The following MYO16 variants were observed in gnomAD, a reference collection of about 807,000 sequenced individuals.
MYO16 encodes unconventional myosin-XVI.
A neutral mutation model predicts 205.3 loss-of-function variants in MYO16; 94 were observed. That is an observed-to-expected ratio of 0.46 (90% CI 0.39 to 0.54). The LOEUF (loss-of-function observed/expected upper bound fraction) is 0.54. Among genes scored for constraint, MYO16 ranks in the 20% least tolerant of loss-of-function variants. The probability of loss-of-function intolerance (pLI) is 0.00; values close to 1 mark genes in which losing one functional copy is unlikely to be tolerated. For missense variants in MYO16, 2,315 were observed against 2,387.5 expected (o/e 0.97, Z 0.63); for synonymous variants, 988 against 954.0 (o/e 1.04, Z -0.66).
Position 109,016,394 on chromosome 13 carries a change from A to G in MYO16, c.2596-3317A>G, listed in dbSNP as rs138832502. Reference sequence around the variant, plus strand: ...TGCTTTACTTCCAATTATGTGGTCAATTTTGGAATAAGTGTGATGTGGTGC... The same window carrying G: ...TGCTTTACTTCCAATTATGTGGTCAGTTTTGGAATAAGTGTGATGTGGTGC... On this transcript the variant is annotated intron_variant, in intron 22 of 34. Coordinates refer to ENST00000457511, the MANE Select transcript of MYO16 (RefSeq NM_001198950.3). Among the ~76,000 whole-genome samples, 585 of 152,284 alleles carry G rather than the reference A, an allele frequency of 3.8e-3. 1 individual carries two copies. Among genetic ancestry groups the G allele is most frequent in the Middle Eastern group, 0.017 (5 of 294 alleles).
At chr13:108,633,145 C>T (rs16972825) in intron 1 of MYO16, among the ~76,000 whole-genome samples, 10,476 of 152,054 alleles carry the variant, frequency 0.069, 506 homozygotes, top group East Asian at 0.18. Flanking sequence ...CACCTAAGAA[C>T]GAATTGTATC....
At chr13:109,027,983 A>T (rs904163232) in intron 23 of MYO16, among the ~76,000 whole-genome samples, 5 of 151,868 alleles carry the variant, frequency 3.3e-5, no homozygotes, top group South Asian at 2.1e-4. Flanking sequence ...TGACTTGTTT[A>T]AAAAAAACAG....
At chr13:108,833,252 T>A (rs1274614994) in intron 9 of MYO16, among the ~76,000 whole-genome samples, 1 of 139,110 alleles carries the variant, frequency 7.2e-6, no homozygotes, top group African/African-American at 2.6e-5. Context: ...GGTCTTTAAA[T>A]TGTAAAAAAA....
chr13:108,929,796 TA>T (rs573718136), intron 16 of MYO16, among the ~76,000 whole-genome samples: 30 of 150,444 alleles, frequency 2.0e-4, no homozygotes, highest in African/African-American at 6.6e-4. Context: ...ACACATGCAT[TA>T]AAAAAAAATG....
chr13:108,647,968 T>C (rs1880827290), intron 1 of MYO16, among the ~76,000 whole-genome samples: 1 of 152,166 alleles, frequency 6.6e-6, no homozygotes, highest in Admixed American at 6.5e-5. Context: ...CTTGATATGC[T>C]CTGTAAATGC....
chr13:108,756,187 G>C (rs1355509200), intron 4 of MYO16, among the ~76,000 whole-genome samples: 2 of 151,908 alleles, frequency 1.3e-5, no homozygotes, highest in African/African-American at 2.4e-5. Flanking sequence ...AATATTTATG[G>C]TTAAGATTTT....
chr13:108,762,817 T>G (rs1341955380), intron 4 of MYO16, among the ~76,000 whole-genome samples: 1 of 152,174 alleles, frequency 6.6e-6, no homozygotes, highest in Non-Finnish European at 1.5e-5. Context: ...GGGCTAGGTT[T>G]GGAGAAGAGC....
At chr13:109,132,230 C>G (rs1876574698) in intron 31 of MYO16, among the ~76,000 whole-genome samples, 1 of 152,226 alleles carries the variant, frequency 6.6e-6, no homozygotes, top group African/African-American at 2.4e-5. Flanking sequence ...TCAGGCAGCT[C>G]TAGTCCTCAC....
chr13:108,774,758 A>G (rs1281672449), intron 4 of MYO16, among the ~76,000 whole-genome samples: 1 of 152,196 alleles, frequency 6.6e-6, no homozygotes, highest in African/African-American at 2.4e-5. Flanking sequence ...AAGATATTAC[A>G]TGTACGTGCA....
chr13:109,108,737 G>A (rs1359637227), intron 28 of MYO16, among the ~76,000 whole-genome samples: 1 of 152,192 alleles, frequency 6.6e-6, no homozygotes, highest in Non-Finnish European at 1.5e-5. Flanking sequence ...AGACAGGGCA[G>A]TTGTCATGCA....
At chr13:109,117,486 A>G (rs1443385397) in intron 28 of MYO16, among the ~76,000 whole-genome samples, 84 of 148,190 alleles carry the variant, frequency 5.7e-4, no homozygotes, top group African/African-American at 2.0e-3. Context: ...GTATATGTAT[A>G]TATATGTAAT....
At chr13:108,973,552 A>G (rs539930234) in intron 20 of MYO16, among the ~76,000 whole-genome samples, 4 of 150,590 alleles carry the variant, frequency 2.7e-5, no homozygotes, top group Admixed American at 2.0e-4. Context: ...CACATTCACA[A>G]CGTTGCCCCT....
intron 1 of MYO16, among the ~76,000 whole-genome samples, chr13:108,661,812 A>G (rs968825026): frequency 2.6e-5 from 4 of 151,972 alleles, no homozygotes; most frequent in African/African-American, 9.7e-5. Flanking sequence ...CTTGGTTTGG[A>G]TCCATTGCTG....
At chr13:108,637,922 G>T (rs1015213569) in intron 1 of MYO16, among the ~76,000 whole-genome samples, 5 of 152,022 alleles carry the variant, frequency 3.3e-5, no homozygotes, top group African/African-American at 1.2e-4. Flanking sequence ...GAACAAGCAA[G>T]CTAACATTCC....
intron 34 of MYO16, among the ~76,000 whole-genome samples, chr13:109,185,345 G>C (rs1490800929): frequency 6.6e-6 from 1 of 151,996 alleles, no homozygotes; most frequent in Non-Finnish European, 1.5e-5. Context: ...GTCAATTAGA[G>C]AAAATATATG....
In MYO16 at chr13:108,823,377, A is replaced by G. The variant is rs1594321563; in HGVS notation, c.1097+99A>G. 38 of 1,138,398 alleles carry G rather than the reference A, an allele frequency of 3.3e-5. No homozygotes were observed. In the East Asian group the frequency reaches 9.1e-4, roughly 27 times the overall value. The allele number at this position is 1,138,398 out of a possible 1,614,324, so 70.5% of individuals were successfully genotyped here. On this transcript the variant is annotated intron_variant, in intron 9 of 34. Transcript: ENST00000457511. The stretch of plus-strand genomic sequence containing the variant: ...TGACTCTCAGCCAAAGAGTTAGAAC[A>G]ATTAAAATGGTTTATCAATGTATAT...
chr13:109,097,594 G>T (rs946245394), intron 27 of MYO16, among the ~76,000 whole-genome samples: 10 of 152,184 alleles, frequency 6.6e-5, no homozygotes, highest in Non-Finnish European at 1.3e-4. Flanking sequence ...TCACATTCTT[G>T]TCACCTATCA....
intron 4 of MYO16, among the ~76,000 whole-genome samples, chr13:108,766,597 A>T (rs2139667085): frequency 6.6e-6 from 1 of 152,330 alleles, no homozygotes; most frequent in Middle Eastern, 3.4e-3. Flanking sequence ...CTGCATCAAC[A>T]ACAGTAAAGA....
chr13:108,497,809 A>C, the MYO16 span, among the ~76,000 whole-genome samples: 1 of 152,182 alleles, frequency 6.6e-6, no homozygotes, highest in African/African-American at 2.4e-5. Context: ...CTGGGTCATG[A>C]ATGTAATCTG....
Sources: gnomAD v4.1 joint callset for allele counts (sites outside exome capture counted in the v4.1 genomes callset) on GRCh38, gnomAD v4.1.1 for gene constraint, MANE v1.5 for transcripts, NCBI Gene and HGNC (gene_info 2026-07-23, HGNC 2026-07-21) for gene names.